CSMD3: variants seen among roughly 807,000 people sequenced by gnomAD.
The protein encoded by CSMD3 is CUB and sushi domain-containing protein 3.
CSMD3 carries 177 observed loss-of-function variants against 435.2 expected under a neutral mutation model. The ratio of observed to expected loss-of-function variants is 0.41; its 90% CI spans 0.36 to 0.46. The LOEUF is 0.46. CSMD3 is among the 20% of genes least tolerant of loss of function. CSMD3 has a pLI of 0.34. For missense variants in CSMD3, 4,265 were observed against 4,504.6 expected, an observed-to-expected ratio of 0.95 and a Z score of 1.52; for synonymous variants, 1,656 against 1,520.5, an observed-to-expected ratio of 1.09 and a Z score of -2.07.
intron 9 of CSMD3, among the ~76,000 whole-genome samples, chr8:112,928,128 G>A (rs893085864): frequency 6.6e-6 from 1 of 151,912 alleles, no homozygotes; most frequent in Admixed American, 6.6e-5. Context: ...ATACTTCTAT[G>A]AAACATAAAA....
chr8:112,650,373 A>G (rs918750020), intron 18 of CSMD3, 24 bp from the exon 19 acceptor site: 2 of 1,584,454 alleles, frequency 1.3e-6, no homozygotes, highest in African/African-American at 2.7e-5. Flanking sequence ...GGAAGAAAAT[A>G]AAGAGTAAGC....
intron 14 of CSMD3, among the ~76,000 whole-genome samples, chr8:112,689,390 AT>A (rs2131821334): frequency 6.6e-6 from 1 of 151,970 alleles, no homozygotes; most frequent in Non-Finnish European, 1.5e-5. Flanking sequence ...ATGTTAATGA[AT>A]TGTATTGTAT....
chr8:112,346,578 C>T (rs188356276), intron 40 of CSMD3, among the ~76,000 whole-genome samples: 4 of 150,366 alleles, frequency 2.7e-5, no homozygotes, highest in Non-Finnish European at 5.9e-5. Context: ...ATCCCAAAGA[C>T]GATATAATTT....
chr8:112,962,740 A>T (rs1051349446), intron 7 of CSMD3, among the ~76,000 whole-genome samples: 2 of 151,896 alleles, frequency 1.3e-5, no homozygotes, highest in African/African-American at 4.8e-5. Context: ...TTTCATGGCT[A>T]TTCAAAATGC....
intron 2 of CSMD3, 81 bp downstream of exon 2, chr8:113,314,490 A>G: frequency 1.2e-6 from 1 of 818,592 alleles, no homozygotes; most frequent in Non-Finnish European, 2.1e-6. Context: ...TGCATCACAA[A>G]TGTTAAGCAT....
At chr8:113,271,328 C>T (rs2093524194) in intron 3 of CSMD3, among the ~76,000 whole-genome samples, 1 of 152,088 alleles carries the variant, frequency 6.6e-6, no homozygotes, top group African/African-American at 2.4e-5. Flanking sequence ...TTATGGCAGC[C>T]CGTCCCATTA....
chr8:113,188,541 G>A (rs1801546139), intron 3 of CSMD3, among the ~76,000 whole-genome samples: 1 of 151,880 alleles, frequency 6.6e-6, no homozygotes, highest in African/African-American at 2.4e-5. Context: ...GAGTTTCTTG[G>A]ATGACAAGGA....
chr8:112,243,660 A>G (rs1814393279), intron 65 of CSMD3, among the ~76,000 whole-genome samples: 1 of 152,116 alleles, frequency 6.6e-6, no homozygotes, highest in Non-Finnish European at 1.5e-5. Flanking sequence ...TTACTCTGGC[A>G]GAGTAATCTA....
intron 10 of CSMD3, among the ~76,000 whole-genome samples, chr8:112,886,987 A>C (rs2081618533): frequency 6.6e-6 from 1 of 151,512 alleles, no homozygotes; most frequent in Admixed American, 6.6e-5. Context: ...TGTATGGTTT[A>C]AGTGGACCTT....
Position 112,517,171 on chromosome 8 carries a change from T to A in CSMD3, c.4619A>T (p.Asn1540Ile). 1 of 1,613,812 alleles carries A rather than the reference T, an allele frequency of 6.2e-7. No homozygotes were observed. The highest frequency in any genetic ancestry group is 8.5e-7 in the Non-Finnish European group (1 of 1,179,898). The change falls in exon 28 of 71, where the codon AAT (asparagine) becomes ATT (isoleucine). Residue 1540 changes from asparagine (N) to isoleucine (I), a missense_variant. This residue lies in a region of CSMD3 where 3,255 missense variants were observed against 3,380.2 expected (regional missense o/e 0.96). Coordinates refer to ENST00000297405, the MANE Select transcript of CSMD3 (RefSeq NM_198123.2). ...GTCCCCAGGTTCTCTTCCATCCCCA[T>A]TTCGAGTCCCATTCATGGGGACCCC... is the stretch of plus-strand genomic sequence containing the variant. ...DPGVPMNGTR[N>I]GDGREPGDTV...
chr8:112,693,541 T>C (rs1470959907), intron 13 of CSMD3, among the ~76,000 whole-genome samples: 2 of 152,058 alleles, frequency 1.3e-5, no homozygotes, highest in Non-Finnish European at 2.9e-5. Flanking sequence ...ATTTTAATTC[T>C]TTCATAATTA....
At chr8:112,269,825 C>T (rs949577798) in intron 59 of CSMD3, among the ~76,000 whole-genome samples, 1 of 152,122 alleles carries the variant, frequency 6.6e-6, no homozygotes, top group African/African-American at 2.4e-5. Context: ...ATATCTTTTT[C>T]TTCTAGTTTG....
chr8:112,475,948 A>C lies in CSMD3; in HGVS notation c.5279-3241T>G, dbSNP rs531260249. Among the ~76,000 whole-genome samples the C allele has an allele frequency of 3.3e-3, 499 of 152,284 alleles. 3 individuals carry two copies. The highest frequency in any genetic ancestry group is 5.1e-3 in the Non-Finnish European group (346 of 68,028). On this transcript the variant is annotated intron_variant, in intron 31 of 70. Transcript: ENST00000297405. The stretch of plus-strand genomic sequence containing the variant: ...TCAAATTGGCTGTTGTTTCTCTTAA[A>C]AGCCTATATTCTTTGTAATGCATTA...
intron 37 of CSMD3, among the ~76,000 whole-genome samples, chr8:112,382,057 T>A (rs562552132): frequency 7.2e-5 from 11 of 152,016 alleles, no homozygotes; most frequent in Non-Finnish European, 1.3e-4. Context: ...GACAGGAGGA[T>A]CTCTTGAGGC....
At chr8:113,211,451 G>C (rs1462601145) in intron 3 of CSMD3, among the ~76,000 whole-genome samples, 3 of 151,956 alleles carry the variant, frequency 2.0e-5, no homozygotes, top group Non-Finnish European at 4.4e-5. Context: ...GCTATATAAA[G>C]CACCCAACAA....
intron 16 of CSMD3, among the ~76,000 whole-genome samples, chr8:112,670,249 ATAGAGGATTGAGT>A (rs2075625365): frequency 1.3e-5 from 2 of 152,212 alleles, no homozygotes; most frequent in Non-Finnish European, 2.9e-5. Context: ...ATGCAAATGC[ATAGAGGATTGAGT>A]TAGCATAAAG....
chr8:112,430,566 T>A (rs1813551651), intron 32 of CSMD3, among the ~76,000 whole-genome samples: 1 of 151,812 alleles, frequency 6.6e-6, no homozygotes, highest in Non-Finnish European at 1.5e-5. Flanking sequence ...ATATATATAT[T>A]TTATGTTTAG....
intron 2 of CSMD3, chr8:113,312,071 T>A (rs2093873827): frequency 6.6e-6 from 1 of 152,110 alleles, no homozygotes; most frequent in Admixed American, 6.6e-5. Context: ...AAAAAATAGA[T>A]TTTTATTTAT....
At chr8:113,108,143 T>C (rs561789433) in intron 4 of CSMD3, among the ~76,000 whole-genome samples, 131 of 152,110 alleles carry the variant, frequency 8.6e-4, no homozygotes, top group African/African-American at 2.9e-3. Context: ...AAGAACAAGA[T>C]ATGAGGCTGG....
Sources: allele counts gnomAD v4.1 joint callset (sites outside exome capture counted in the v4.1 genomes callset), GRCh38; gene constraint gnomAD v4.1.1; regional missense constraint gnomAD v4.1.1; transcripts MANE v1.5; gene names NCBI Gene and HGNC (gene_info 2026-07-23, HGNC 2026-07-21).